Variants in PCBP3 observed in about 807,000 individuals in gnomAD.
The protein encoded by PCBP3 is poly(rC)-binding protein 3.
A neutral mutation model predicts 52.7 loss-of-function variants in PCBP3; 25 were observed. The observed-to-expected ratio is 0.47, with a 90% confidence interval of 0.35 to 0.66. The LOEUF is 0.66. PCBP3 is among the 30% of genes least tolerant of loss of function. The probability of loss-of-function intolerance (pLI) is 0.01; values close to 1 mark genes in which losing one functional copy is unlikely to be tolerated. For missense variants in PCBP3, 391 were observed against 490.3 expected (o/e 0.80, Z 1.91); for synonymous variants, 162 against 183.0 (o/e 0.89, Z 0.93).
intron 4 of PCBP3, chr21:45,760,300 C>CCT (rs1603396554): frequency 1.3e-5 from 2 of 152,212 alleles, no homozygotes; most frequent in East Asian, 3.9e-4. Flanking sequence ...CCTCAGCCTC[C>CCT]TGAGCACCTG....
intron 4 of PCBP3, among the ~76,000 whole-genome samples, chr21:45,796,825 G>A (rs964273317): frequency 5.3e-5 from 8 of 152,090 alleles, no homozygotes; most frequent in Non-Finnish European, 8.8e-5. Context: ...CTTTGTATGG[G>A]GTTTGAATTG....
rs1213675511 is a variant in PCBP3, at chr21:45,656,695, A to G, written c.-278-12179A>G. ...ACAAAAATAAATAAATCCTTTGCCC[A>G]TTTAAAAACTGGATTGTCTTTTTAT... is the stretch of plus-strand genomic sequence containing the variant. On this transcript the variant is annotated intron_variant, in intron 1 of 17. Transcript: ENST00000681687. The surrounding 1 kb of genome is among the most constrained non-coding windows in gnomAD (Gnocchi z 4.3). Among the ~76,000 whole-genome samples, 1 of 152,216 alleles carries G rather than the reference A, an allele frequency of 6.6e-6. No individual in the cohort carries two copies. The highest frequency in any genetic ancestry group is 1.5e-5 in the Non-Finnish European group (1 of 68,026).
Position 45,736,521 on chromosome 21 carries a change from C to T in PCBP3, c.-162+1092C>T, listed in dbSNP as rs559343560. On this transcript the variant is annotated intron_variant, in intron 3 of 17. Transcript: ENST00000681687. This position sits in a 1 kb window ranked among gnomAD's most constrained non-coding sequence, Gnocchi z 4.6. ...AGAGATGTCAGCTGCAGCAGGGCAG[C>T]GCCCTGGTTAGAGAGACGGCATGGG... Among the ~76,000 whole-genome samples, 4 of 152,136 alleles carry T rather than the reference C, an allele frequency of 2.6e-5. No homozygotes were observed. Among genetic ancestry groups the T allele is most frequent in the African/African-American group, 7.2e-5 (3 of 41,490 alleles).
chr21:45,768,058 C>T (rs1485860096), intron 4 of PCBP3, among the ~76,000 whole-genome samples: 9 of 152,272 alleles, frequency 5.9e-5, no homozygotes, highest in Non-Finnish European at 8.8e-5. Context: ...CTTGCTGCCA[C>T]GATGCACCAG....
In PCBP3 at chr21:45,656,527, G is replaced by A. The variant is rs2146956707; in HGVS notation, c.-278-12347G>A. Among the ~76,000 whole-genome samples, 4 of 152,190 alleles carry A rather than the reference G, an allele frequency of 2.6e-5. 1 individual carries two copies. The South Asian group carries it at 8.3e-4, about 32-fold the overall frequency. The stretch of plus-strand genomic sequence containing the variant: ...GCCTAGGGGAGGGATAGCATTAGGA[G>A]AACTACCTAATGTAGATGACGGGTT... On this transcript the variant is annotated intron_variant, in intron 1 of 17. Transcript: ENST00000681687. This position sits in a 1 kb window ranked among gnomAD's most constrained non-coding sequence, Gnocchi z 4.3.
In PCBP3 at chr21:45,815,823, G is replaced by C. The variant is rs536664763; in HGVS notation, c.-125-34138G>C. ...GATGAGTGAGTGGTGAGTGAGTGGTGAGTGGTGAGTGAGTGGTGAGTGATG... is the reference window on the plus strand; with the variant it reads ...GATGAGTGAGTGGTGAGTGAGTGGTCAGTGGTGAGTGAGTGGTGAGTGATG... On this transcript the variant is annotated intron_variant, in intron 4 of 17. Transcript: ENST00000681687. 6.6e-5 allele frequency among the ~76,000 whole-genome samples: 8 copies of C among 121,196 alleles called. No individual in the cohort carries two copies. In the East Asian group the frequency reaches 2.0e-3, roughly 30 times the overall value. The allele number at this position is 121,196 out of a possible 152,430, so 79.5% of individuals were successfully genotyped here.
chr21:45,909,085 G>A (rs1474307759), intron 9 of PCBP3, among the ~76,000 whole-genome samples: 1 of 150,904 alleles, frequency 6.6e-6, no homozygotes, highest in Non-Finnish European at 1.5e-5. Flanking sequence ...TTCCCACCAG[G>A]TCTCCACGAC....
intron 17 of PCBP3, among the ~76,000 whole-genome samples, chr21:45,940,676 C>T (rs1403229988): frequency 2.6e-5 from 4 of 152,000 alleles, no homozygotes; most frequent in Non-Finnish European, 5.9e-5. Flanking sequence ...CTGAAGCCAC[C>T]TGGGTCCCTG....
At chr21:45,799,678 C>A (rs1412401075) in intron 4 of PCBP3, among the ~76,000 whole-genome samples, 1 of 152,136 alleles carries the variant, frequency 6.6e-6, no homozygotes. Flanking sequence ...GGTGGACGGC[C>A]AGGCCAAGGT....
chr21:45,941,605 G>A lies in PCBP3; in HGVS notation c.1080-65G>A, dbSNP rs369789408. Reference sequence around the variant, plus strand: ...CAGAGGCCACACAGCCCGGCCTCACGTCTGCCCACTGATGAGGGCGTTGGT... The same window carrying A: ...CAGAGGCCACACAGCCCGGCCTCACATCTGCCCACTGATGAGGGCGTTGGT... On this transcript the variant is annotated intron_variant, in intron 17 of 17. Transcript: ENST00000681687. 4.9e-5 allele frequency: 72 copies of A among 1,458,622 alleles called. No homozygotes were observed. In the African/African-American group the frequency reaches 5.3e-4, roughly 11 times the overall value. The allele number at this position is 1,458,622 out of a possible 1,614,324, so 90.4% of individuals were successfully genotyped here. A position where few individuals can be genotyped will look rare whatever the true frequency, so the allele number is the denominator to read the frequency against.
chr21:45,647,812 C>T (rs1237316509), intron 1 of PCBP3, among the ~76,000 whole-genome samples: 1 of 152,050 alleles, frequency 6.6e-6, no homozygotes, highest in African/African-American at 2.4e-5. Flanking sequence ...ATCCTAATCT[C>T]AGGACTATGT....
chr21:45,672,985 T>C (rs2081263502), intron 2 of PCBP3, among the ~76,000 whole-genome samples: 1 of 152,198 alleles, frequency 6.6e-6, no homozygotes, highest in African/African-American at 2.4e-5. Flanking sequence ...CCCCCTGAGC[T>C]GGAGGCTGGG....
Position 45,850,532 on chromosome 21 carries a change from A to G in PCBP3, c.10+437A>G, listed in dbSNP as rs553178952. Among the ~76,000 whole-genome samples the G allele has an allele frequency of 3.5e-4, 54 of 152,308 alleles. 1 individual carries two copies. Among genetic ancestry groups the G allele is most frequent in the Middle Eastern group, 3.4e-3 (1 of 294 alleles). On this transcript the variant is annotated intron_variant, in intron 5 of 17. Coordinates refer to ENST00000681687, the MANE Select transcript of PCBP3 (RefSeq NM_001384156.1). ...GGTGGTCTGGTGATACCCTGCAGAC[A>G]TTAGTGCCGTGGCTTGAGCTGCTAC...
At chr21:45,814,974 ATGAG>A (rs1339161054) in intron 4 of PCBP3, among the ~76,000 whole-genome samples, 1 of 90,344 alleles carries the variant, frequency 1.1e-5, no homozygotes, top group Admixed American at 1.2e-4. Flanking sequence ...GTGGTGAGTG[ATGAG>A]TGAGTGGTGA....
At chr21:45,922,581 T>C (rs2074598500) in intron 13 of PCBP3, among the ~76,000 whole-genome samples, 1 of 152,172 alleles carries the variant, frequency 6.6e-6, no homozygotes, top group Non-Finnish European at 1.5e-5. Context: ...CCCTCATATA[T>C]ACAAATCTTT....
intron 5 of PCBP3, among the ~76,000 whole-genome samples, chr21:45,861,899 G>T (rs760817313): frequency 1.3e-5 from 2 of 152,186 alleles, no homozygotes; most frequent in Non-Finnish European, 2.9e-5. Flanking sequence ...CAGAATCAAT[G>T]TATCACTCAC....
intron 2 of PCBP3, among the ~76,000 whole-genome samples, chr21:45,722,890 G>A (rs1000925501): frequency 2.6e-5 from 4 of 151,756 alleles, no homozygotes; most frequent in Non-Finnish European, 4.4e-5. Context: ...GCGTTCACCT[G>A]TAGTCCCAAG....
At chr21:45,689,876 CA>C (rs2082361626) in intron 2 of PCBP3, among the ~76,000 whole-genome samples, 1 of 152,042 alleles carries the variant, frequency 6.6e-6, no homozygotes, top group Non-Finnish European at 1.5e-5. Flanking sequence ...AGACTTAATA[CA>C]TGAAGAGATT....
At chr21:45,689,200 A>G (rs1395371338) in intron 2 of PCBP3, among the ~76,000 whole-genome samples, 3 of 152,132 alleles carry the variant, frequency 2.0e-5, no homozygotes, top group East Asian at 1.9e-4. Flanking sequence ...AAAGATGACA[A>G]GTATCAGCAA....
Sources: allele counts gnomAD v4.1 joint callset (sites outside exome capture counted in the v4.1 genomes callset), GRCh38; gene constraint gnomAD v4.1.1; non-coding constraint Gnocchi (gnomAD v3.1); transcripts MANE v1.5; gene names NCBI Gene and HGNC (gene_info 2026-07-23, HGNC 2026-07-21).